CTBS: variants seen among roughly 807,000 people sequenced by gnomAD.
CTBS encodes di-N-acetylchitobiase.
Under a neutral mutation model 44.3 loss-of-function variants are expected in CTBS, and 35 were observed. The ratio of observed to expected loss-of-function variants is 0.79; its 90% CI spans 0.60 to 1.05. The LOEUF (loss-of-function observed/expected upper bound fraction) is 1.05. Ranked by LOEUF, CTBS falls within the 50% of genes least tolerant of loss-of-function variation. CTBS has a pLI of 0.00. For synonymous variants in CTBS, 143 were observed against 168.0 expected (o/e 0.85, Z 1.15); for missense variants, 458 against 475.3 (o/e 0.96, Z 0.34).
chr1:84,571,515 T>C (rs1008311878), intron 1 of CTBS, among the ~76,000 whole-genome samples: 3 of 152,258 alleles, frequency 2.0e-5, no homozygotes, highest in Non-Finnish European at 4.4e-5. Context: ...GTTGTGTTTC[T>C]CTGATATTTT....
rs1236918936 is a variant in CTBS at position 84,554,584 on chromosome 1, G to A, written c.*415C>T. On this transcript the variant is annotated 3_prime_UTR_variant, in exon 7 of 7. Transcript: ENST00000370630. Reference sequence around the variant, plus strand: ...ATTGGAGGGTTGGGGGAAAAGTATAGCACAAACTGCTTTTCAAAGACTAGG... The same window carrying A: ...ATTGGAGGGTTGGGGGAAAAGTATAACACAAACTGCTTTTCAAAGACTAGG... 1 of 165,524 alleles carries A rather than the reference G, an allele frequency of 6.0e-6. No individual in the cohort carries two copies. 10.3% of individuals were successfully genotyped at this position (165,524 alleles called of 1,614,324 possible). A position where few individuals can be genotyped will look rare whatever the true frequency, so the allele number is the denominator to read the frequency against.
intron 4 of CTBS, among the ~76,000 whole-genome samples, chr1:84,564,225 C>G (rs1051577461): frequency 2.0e-5 from 3 of 152,086 alleles, no homozygotes; most frequent in Non-Finnish European, 4.4e-5. Flanking sequence ...CAGTGATGGT[C>G]TCAGAGTTTC....
chr1:84,561,631 AT>A (rs1684595563), intron 6 of CTBS, among the ~76,000 whole-genome samples: 2 of 152,196 alleles, frequency 1.3e-5, no homozygotes, highest in Admixed American at 6.5e-5. Context: ...GGAAGAGTCA[AT>A]TGACGTGGCA....
Position 84,555,056 on chromosome 1 carries a change from G to A in CTBS, c.1101C>T (p.Ala367=). 1 of 1,613,864 alleles carries A rather than the reference G, an allele frequency of 6.2e-7. No homozygotes were observed. The highest frequency in any genetic ancestry group is 8.5e-7 in the Non-Finnish European group (1 of 1,179,922). The change falls in exon 7 of 7, where the codon GCC becomes GCT. Residue 367 remains alanine (A), a synonymous_variant. Transcript: ENST00000370630. ...NCLDYSGDAV[A]KQQTEEMWEV... is the part of the protein sequence containing the mutation. ...CCCACATTTCTTCAGTTTGCTGTTT[G>A]GCTACAGCATCTCCAGAGTAGTCAA...
chr1:84,558,324 C>G (rs1032687738), intron 6 of CTBS, among the ~76,000 whole-genome samples: 1 of 150,466 alleles, frequency 6.6e-6, no homozygotes, highest in Non-Finnish European at 1.5e-5. Flanking sequence ...GAGTCTCGCT[C>G]TGTCGCCCAG....
chr1:84,555,929 C>T (rs995284357), intron 6 of CTBS: 2 of 152,136 alleles, frequency 1.3e-5, no homozygotes, highest in African/African-American at 2.4e-5. Context: ...GTGTGCCTGG[C>T]TAGGAGGTCT....
chr1:84,555,121 A>T lies in CTBS; in HGVS notation c.1036T>A (p.Tyr346Asn), dbSNP rs564541760. 6 of 1,613,976 alleles carry T rather than the reference A, an allele frequency of 3.7e-6. 1 individual carries two copies. In the South Asian group the frequency reaches 6.6e-5, roughly 18 times the overall value. The change falls in exon 7 of 7, where the codon TAT (tyrosine) becomes AAT (asparagine). Residue 346 changes from tyrosine to asparagine, a missense_variant. Coordinates refer to ENST00000370630, the MANE Select transcript of CTBS (RefSeq NM_004388.3). ...ISLKATYIQN[Y>N]RLRGIGMWNA... ...CACATGCCAATGCCCCGTAAGCGATAGTTTTGTATATATGTTGCCTTTAAA... is the reference window on the plus strand; with the variant it reads ...CACATGCCAATGCCCCGTAAGCGATTGTTTTGTATATATGTTGCCTTTAAA...
chr1:84,565,756 C>T, intron 4 of CTBS, 85 bp downstream of exon 4: 1 of 765,812 alleles, frequency 1.3e-6, no homozygotes, highest in East Asian at 4.7e-5. Flanking sequence ...ATACATATAA[C>T]TTAGAAATAC....
chr1:84,557,144 A>G (rs920474773), intron 6 of CTBS, among the ~76,000 whole-genome samples: 9 of 152,254 alleles, frequency 5.9e-5, no homozygotes, highest in African/African-American at 2.2e-4. Flanking sequence ...TATTGAGTCC[A>G]AGATGAGCTG....
intron 3 of CTBS, among the ~76,000 whole-genome samples, chr1:84,566,909 C>T (rs113692451): frequency 0.016 from 2,444 of 152,268 alleles, 63 homozygotes; most frequent in African/African-American, 0.055. Context: ...TGCTTACAGG[C>T]GTGAGCCACC....
In CTBS at chr1:84,553,076, T is replaced by C. The variant is rs1684326064; in HGVS notation, c.*1923A>G. ...TTTCAGATTTACGAACATTGAAAAC[T>C]GAACTGGCACAGAAAAAAAAAATAA... On this transcript the variant is annotated 3_prime_UTR_variant, in exon 7 of 7. Transcript: ENST00000370630. 6.5e-7 allele frequency: 1 copy of C among 1,530,578 alleles called. No homozygotes were observed. The highest frequency in any genetic ancestry group is 1.3e-5 in the South Asian group (1 of 79,120). The allele number at this position is 1,530,578 out of a possible 1,614,324, so 94.8% of individuals were successfully genotyped here. A position where few individuals can be genotyped will look rare whatever the true frequency, so the allele number is the denominator to read the frequency against.
chr1:84,550,681 A>T lies in CTBS; in HGVS notation c.*4318T>A. 8.3e-7 allele frequency: 1 copy of T among 1,205,300 alleles called. No individual in the cohort carries two copies. The highest frequency in any genetic ancestry group is 1.0e-6 in the Non-Finnish European group (1 of 961,930). 74.7% of individuals were successfully genotyped at this position (1,205,300 alleles called of 1,614,324 possible). ...TTAACAGTAAAGAGCATAGGTGAAAAAAAAAATGCAGGAAGAAAAACTAAA... is the reference window on the plus strand; with the variant it reads ...TTAACAGTAAAGAGCATAGGTGAAATAAAAAATGCAGGAAGAAAAACTAAA... On this transcript the variant is annotated 3_prime_UTR_variant, in exon 7 of 7. Transcript: ENST00000370630.
chr1:84,574,393 C>T lies in CTBS; in HGVS notation c.23G>A (p.Arg8His), dbSNP rs1391603775. 6.4e-7 allele frequency: 1 copy of T among 1,557,368 alleles called. No homozygotes were observed. Among genetic ancestry groups the T allele is most frequent in the Non-Finnish European group, 8.7e-7 (1 of 1,152,696 alleles). Reference sequence around the variant, plus strand: ...CGGCGGGCTAGAGACGAGGCGCCAGCGTCGAAGCTGCGGCCGGGACATAGC... The same window carrying T: ...CGGCGGGCTAGAGACGAGGCGCCAGTGTCGAAGCTGCGGCCGGGACATAGC... MSRPQLR[R>H]WRLVSSPPSG... The change falls in exon 1 of 7, where the codon CGC becomes CAC. Residue 8 changes from arginine to histidine, a missense_variant. Physicochemically the swap from Arg to His is conservative, Grantham distance 29. Coordinates refer to ENST00000370630, the MANE Select transcript of CTBS (RefSeq NM_004388.3).
At position 84,549,896 on chromosome 1, in the gene CTBS, C is replaced by T. The variant is rs1000185189; in HGVS notation, c.*5103G>A. 6.6e-6 allele frequency: 1 copy of T among 150,878 alleles called. No individual in the cohort carries two copies. The highest frequency in any genetic ancestry group is 1.5e-5 in the Non-Finnish European group (1 of 67,732). The allele number at this position is 150,878 out of a possible 1,614,324, so 9.3% of individuals were successfully genotyped here. On this transcript the variant is annotated 3_prime_UTR_variant, in exon 7 of 7. Transcript: ENST00000370630. Reference sequence around the variant, plus strand: ...ACTTTTTTTTTTAGCATAGCTTATACTTTATCTTACTGTTTAATCAGTTCA... The same window carrying T: ...ACTTTTTTTTTTAGCATAGCTTATATTTTATCTTACTGTTTAATCAGTTCA...
intron 1 of CTBS, among the ~76,000 whole-genome samples, chr1:84,572,592 G>T (rs536593517): frequency 6.6e-6 from 1 of 151,848 alleles, no homozygotes; most frequent in African/African-American, 2.4e-5. Flanking sequence ...TCTTTGAATA[G>T]TTGGTTTTCA....
chr1:84,563,874 T>C, intron 4 of CTBS, 42 bp from the exon 5 acceptor site: 2 of 1,580,716 alleles, frequency 1.3e-6, no homozygotes, highest in Non-Finnish European at 8.6e-7. Context: ...TTTCTCTTCA[T>C]ATGTCAATGT....
Position 84,554,909 on chromosome 1 carries a change from A to G in CTBS, c.*90T>C. 1 of 1,015,754 alleles carries G rather than the reference A, an allele frequency of 9.8e-7. No individual in the cohort carries two copies. Among genetic ancestry groups the G allele is most frequent in the Non-Finnish European group, 1.5e-6 (1 of 688,328 alleles). 62.9% of individuals were successfully genotyped at this position (1,015,754 alleles called of 1,614,324 possible). On this transcript the variant is annotated 3_prime_UTR_variant, in exon 7 of 7. Coordinates refer to ENST00000370630, the MANE Select transcript of CTBS (RefSeq NM_004388.3). ...CTTTTTTTTTAGTATACGGATAACA[A>G]AAGTATATAGCAACATAATAAAAAT...
At chr1:84,559,184 G>A (rs1684536465) in intron 6 of CTBS, among the ~76,000 whole-genome samples, 1 of 152,104 alleles carries the variant, frequency 6.6e-6, no homozygotes, top group Non-Finnish European at 1.5e-5. Context: ...TTTTGTGTCT[G>A]TGTCACATTT....
At chr1:84,571,045 A>G (rs1647288179) in intron 1 of CTBS, among the ~76,000 whole-genome samples, 1 of 152,222 alleles carries the variant, frequency 6.6e-6, no homozygotes, top group Admixed American at 6.5e-5. Flanking sequence ...AGAGAGTAGT[A>G]GGCATGGATT....
Sources: gnomAD v4.1 joint callset for allele counts (sites outside exome capture counted in the v4.1 genomes callset) on GRCh38, gnomAD v4.1.1 for gene constraint, MANE v1.5 for transcripts, NCBI Gene and HGNC (gene_info 2026-07-23, HGNC 2026-07-21) for gene names.